Variants in CSMD1 observed in about 807,000 individuals in gnomAD.
CSMD1 encodes CUB and sushi domain-containing protein 1.
CSMD1 carries 213 observed loss-of-function variants against 417.5 expected under a neutral mutation model. The observed-to-expected ratio is 0.51, with a 90% confidence interval of 0.46 to 0.57. The LOEUF is 0.57. Among genes scored for constraint, CSMD1 ranks in the 20% least tolerant of loss-of-function variants. The pLI, the probability that CSMD1 is intolerant of heterozygous loss-of-function variation, is 0.00. For synonymous variants in CSMD1, 2,862 were observed against 1,736.8 expected (o/e 1.65, Z -16.11); for missense variants, 6,923 against 4,529.7 (o/e 1.53, Z -15.17).
chr8:4,860,567 G>A (rs574505442), intron 1 of CSMD1, among the ~76,000 whole-genome samples: 10 of 152,148 alleles, frequency 6.6e-5, no homozygotes, highest in African/African-American at 1.9e-4. Context: ...TTTCTGTACA[G>A]CCTGCAGAAT....
chr8:4,882,544 C>T (rs961477155), intron 1 of CSMD1, among the ~76,000 whole-genome samples: 1 of 151,714 alleles, frequency 6.6e-6, no homozygotes, highest in Non-Finnish European at 1.5e-5. Flanking sequence ...CTGTCCGTGG[C>T]CTCTGCTGAG....
chr8:3,673,707 A>G (rs993772019), intron 7 of CSMD1, among the ~76,000 whole-genome samples: 1 of 152,210 alleles, frequency 6.6e-6, no homozygotes, highest in Admixed American at 6.5e-5. Flanking sequence ...GGCTTGCTGC[A>G]TGATATGAGC....
At chr8:3,575,572 G>A (rs768251508) in intron 9 of CSMD1, among the ~76,000 whole-genome samples, 36 of 152,234 alleles carry the variant, frequency 2.4e-4, no homozygotes, top group Non-Finnish European at 4.6e-4. Flanking sequence ...TTAAAAAAGG[G>A]TTTTGGAGCA....
chr8:3,974,180 A>T (rs977474862), intron 5 of CSMD1, among the ~76,000 whole-genome samples: 1 of 152,112 alleles, frequency 6.6e-6, no homozygotes, highest in Non-Finnish European at 1.5e-5. Context: ...ACACCCCCAC[A>T]GTTTATTAGC....
chr8:4,947,414 C>T (rs1585386545), intron 1 of CSMD1, among the ~76,000 whole-genome samples: 1 of 133,434 alleles, frequency 7.5e-6, no homozygotes, highest in East Asian at 1.9e-4. Flanking sequence ...CTAAGAATTA[C>T]CAGTTTTTTT....
At chr8:3,123,386 C>CT (rs1348331727) in intron 41 of CSMD1, among the ~76,000 whole-genome samples, 1 of 152,198 alleles carries the variant, frequency 6.6e-6, no homozygotes, top group Non-Finnish European at 1.5e-5. Flanking sequence ...CCTCCCAATA[C>CT]TGCTATTTGG....
At chr8:3,332,266 T>C (rs1196061110) in intron 23 of CSMD1, among the ~76,000 whole-genome samples, 1 of 152,270 alleles carries the variant, frequency 6.6e-6, no homozygotes, top group Non-Finnish European at 1.5e-5. Context: ...ATGACAATTG[T>C]ATCCTGCCCT....
rs1040811971 is a variant in CSMD1 at position 3,142,047 on chromosome 8, T to C, written c.6241+418A>G. ...CTCCTGACCTCGTGATCCGCCCGCC[T>C]CGGCCTTCCAAAGTGCTGGGATTAC... is the stretch of plus-strand genomic sequence containing the variant. On this transcript the variant is annotated intron_variant, in intron 41 of 69. Coordinates refer to ENST00000635120, the MANE Select transcript of CSMD1 (RefSeq NM_033225.6). 2.0e-5 allele frequency among the ~76,000 whole-genome samples: 3 copies of C among 152,126 alleles called. No individual in the cohort carries two copies. In the South Asian group the frequency reaches 6.2e-4, roughly 32 times the overall value.
intron 1 of CSMD1, among the ~76,000 whole-genome samples, chr8:4,945,168 T>C (rs1273672862): frequency 1.3e-5 from 2 of 152,118 alleles, no homozygotes; most frequent in Non-Finnish European, 2.9e-5. Flanking sequence ...TACTGAATGA[T>C]CCCAAATACA....
intron 3 of CSMD1, among the ~76,000 whole-genome samples, chr8:4,091,471 G>C (rs1398626731): frequency 6.6e-6 from 1 of 152,254 alleles, no homozygotes; most frequent in African/African-American, 2.4e-5. Context: ...AGCAAACAGA[G>C]GGATTTTTAA....
At chr8:4,370,274 C>G (rs1802322358) in intron 3 of CSMD1, among the ~76,000 whole-genome samples, 1 of 151,836 alleles carries the variant, frequency 6.6e-6, no homozygotes, top group Non-Finnish European at 1.5e-5. Flanking sequence ...GGCTCCCAGT[C>G]TTTCCCAGTT....
intron 1 of CSMD1, among the ~76,000 whole-genome samples, chr8:4,797,708 G>C (rs116207675): frequency 6.6e-6 from 1 of 152,270 alleles, no homozygotes; most frequent in African/African-American, 2.4e-5. Flanking sequence ...AAGCAACAAA[G>C]ATACCTCCTT....
At chr8:4,820,503 T>C (rs562046481) in intron 1 of CSMD1, among the ~76,000 whole-genome samples, 149 of 152,200 alleles carry the variant, frequency 9.8e-4, no homozygotes, top group African/African-American at 3.4e-3. Context: ...CATAAGGAAA[T>C]GGCCAACCTC....
At chr8:4,312,055 C>G (rs1300594987) in intron 3 of CSMD1, among the ~76,000 whole-genome samples, 1 of 152,010 alleles carries the variant, frequency 6.6e-6, no homozygotes, top group Non-Finnish European at 1.5e-5. Context: ...TCATTTCTAG[C>G]TAGTAAAGAA....
chr8:4,783,842 G>A (rs117796071), intron 1 of CSMD1, among the ~76,000 whole-genome samples: 1,579 of 152,256 alleles, frequency 0.01, 12 homozygotes, highest in East Asian at 0.055. Flanking sequence ...TCTTATATTG[G>A]TGATATCACT....
intron 3 of CSMD1, among the ~76,000 whole-genome samples, chr8:4,366,701 T>C (rs1802093554): frequency 6.6e-6 from 1 of 151,914 alleles, no homozygotes; most frequent in African/African-American, 2.4e-5. Context: ...TTTTTCTTTT[T>C]CTTTTATTTT....
chr8:4,633,435 G>C (rs1802651097), intron 2 of CSMD1, among the ~76,000 whole-genome samples: 1 of 151,792 alleles, frequency 6.6e-6, no homozygotes, highest in Admixed American at 6.6e-5. Flanking sequence ...ATTTTTAGTA[G>C]AGATGGGGTT....
At chr8:3,841,025 G>A (rs926580746) in intron 5 of CSMD1, among the ~76,000 whole-genome samples, 1 of 151,910 alleles carries the variant, frequency 6.6e-6, no homozygotes, top group Non-Finnish European at 1.5e-5. Flanking sequence ...CAATTCTTTG[G>A]TACATGAGTC....
chr8:3,226,325 G>A (rs575862902), intron 27 of CSMD1, among the ~76,000 whole-genome samples: 54 of 152,230 alleles, frequency 3.5e-4, no homozygotes, highest in African/African-American at 1.3e-3. Context: ...GCTCACGCTT[G>A]TAATCCCAGC....
Sources: gnomAD v4.1 joint callset for allele counts (sites outside exome capture counted in the v4.1 genomes callset) on GRCh38, gnomAD v4.1.1 for gene constraint, MANE v1.5 for transcripts, NCBI Gene and HGNC (gene_info 2026-07-23, HGNC 2026-07-21) for gene names.